APBA2: variants seen among roughly 807,000 people sequenced by gnomAD.
APBA2 encodes the protein amyloid beta precursor protein binding family A member 2, also known as amyloid-beta A4 precursor protein-binding family A member 2.
A neutral mutation model predicts 75.0 loss-of-function variants in APBA2; 30 were observed. That is an observed-to-expected ratio of 0.40 (90% CI 0.30 to 0.54). The LOEUF is 0.54. Ranked by LOEUF, APBA2 falls within the 20% of genes least tolerant of loss-of-function variation. The pLI, the probability that APBA2 is intolerant of heterozygous loss-of-function variation, is 0.49. For synonymous variants in APBA2, 444 were observed against 409.6 expected (o/e 1.08, Z -1.01); for missense variants, 801 against 1,016.1 (o/e 0.79, Z 2.88).
chr15:28,966,044 TC>T (rs780746208), intron 2 of APBA2, among the ~76,000 whole-genome samples: 28 of 152,138 alleles, frequency 1.8e-4, no homozygotes, highest in East Asian at 7.7e-4. Flanking sequence ...CTAGTTGGAG[TC>T]CATTTTGGTC....
At chr15:28,906,746 A>G (rs932053278) in intron 1 of APBA2, among the ~76,000 whole-genome samples, 6 of 152,228 alleles carry the variant, frequency 3.9e-5, no homozygotes, top group Admixed American at 3.9e-4. Context: ...AAAATTGTGA[A>G]TGACAACAAG....
intron 1 of APBA2, among the ~76,000 whole-genome samples, chr15:28,912,472 A>C (rs1378100007): frequency 1.3e-5 from 2 of 152,232 alleles, no homozygotes; most frequent in East Asian, 3.8e-4. Flanking sequence ...CAGCATTGCT[A>C]AGGCAAGGAG....
chr15:29,050,023 C>T lies in APBA2; in HGVS notation c.-40-3822C>T, dbSNP rs367682734. On this transcript the variant is annotated intron_variant, in intron 3 of 14. Coordinates refer to ENST00000683413, the MANE Select transcript of APBA2 (RefSeq NM_001353788.2). ...CGGAAAGGGCTCACCAAATGAATCT[C>T]ACATAAAATTAATGAGACCCTCATA... 2.4e-4 allele frequency among the ~76,000 whole-genome samples: 36 copies of T among 152,218 alleles called. No homozygotes were observed. The South Asian group carries it at 6.6e-3, about 28-fold the overall frequency.
chr15:28,954,364 A>G (rs2036053058), intron 2 of APBA2, among the ~76,000 whole-genome samples: 1 of 152,170 alleles, frequency 6.6e-6, no homozygotes, highest in Non-Finnish European at 1.5e-5. Flanking sequence ...CATTAAGAGT[A>G]AATGCTGGAA....
intron 13 of APBA2, among the ~76,000 whole-genome samples, chr15:29,110,707 GA>G (rs2044680701): frequency 6.6e-6 from 1 of 152,232 alleles, no homozygotes; most frequent in African/African-American, 2.4e-5. Context: ...CTGGTGGGGA[GA>G]GGGGGAGAAG....
intron 2 of APBA2, among the ~76,000 whole-genome samples, chr15:28,930,527 G>A (rs560452893): frequency 1.3e-5 from 2 of 152,146 alleles, no homozygotes; most frequent in African/African-American, 2.4e-5. Context: ...TCTCCCACCC[G>A]GCTGGAGCCT....
chr15:29,105,160 A>G (rs1319424699), intron 10 of APBA2, among the ~76,000 whole-genome samples: 1 of 152,192 alleles, frequency 6.6e-6, no homozygotes, highest in East Asian at 1.9e-4. Flanking sequence ...GTTCAGGGCA[A>G]CACTGGGGTT....
chr15:28,994,826 G>A (rs1312031911), intron 2 of APBA2, among the ~76,000 whole-genome samples: 3 of 152,284 alleles, frequency 2.0e-5, no homozygotes, highest in Admixed American at 6.5e-5. Flanking sequence ...TCTTCCCTAC[G>A]ACTGCAGACC....
chr15:28,989,088 T>C (rs2038080883), intron 2 of APBA2, among the ~76,000 whole-genome samples: 1 of 152,264 alleles, frequency 6.6e-6, no homozygotes, highest in Admixed American at 6.5e-5. Flanking sequence ...ATATATTTTT[T>C]CATATATTTG....
chr15:29,054,449 A>G lies in APBA2; in HGVS notation c.565A>G (p.Ser189Gly). 6 of 1,614,136 alleles carry G rather than the reference A, an allele frequency of 3.7e-6. No homozygotes were observed. The highest frequency in any genetic ancestry group is 5.1e-6 in the Non-Finnish European group (6 of 1,180,016). Reference sequence around the variant, plus strand: ...GGAAGAAGATGGTCACTACTGTGCCAGCAAAGAGGGCTACCAGGACTACTA... The same window carrying G: ...GGAAGAAGATGGTCACTACTGTGCCGGCAAAGAGGGCTACCAGGACTACTA... ...DQEEDGHYCASKEGYQDYYPE... is the reference protein window; with the variant it reads ...DQEEDGHYCAGKEGYQDYYPE... Residue 189 changes from serine to glycine, a missense_variant, in exon 4 of 15, where the codon AGC becomes GGC. By Grantham distance (56) the Ser-to-Gly change is moderately conservative. Transcript: ENST00000683413. The surrounding 1 kb of genome is among the most constrained non-coding windows in gnomAD (Gnocchi z 6.1).
intron 14 of APBA2, among the ~76,000 whole-genome samples, chr15:29,115,752 C>A (rs2045062579): frequency 6.6e-6 from 1 of 152,172 alleles, no homozygotes; most frequent in Non-Finnish European, 1.5e-5. Context: ...GAGGAAGCCC[C>A]TGCCGGGAGC....
intron 3 of APBA2, among the ~76,000 whole-genome samples, chr15:29,018,325 C>T (rs1379548617): frequency 2.0e-5 from 3 of 152,124 alleles, no homozygotes; most frequent in African/African-American, 4.8e-5. Flanking sequence ...AACCACTCTG[C>T]GTTTTACTGT....
chr15:28,909,153 AT>A (rs928446582), intron 1 of APBA2, among the ~76,000 whole-genome samples: 16 of 148,432 alleles, frequency 1.1e-4, no homozygotes, highest in Admixed American at 4.7e-4. Context: ...TGCCTGGCTA[AT>A]TTTTTTTTTG....
At chr15:28,989,540 A>T (rs2038106735) in intron 2 of APBA2, among the ~76,000 whole-genome samples, 1 of 152,174 alleles carries the variant, frequency 6.6e-6, no homozygotes. Flanking sequence ...AGATTGGCAG[A>T]TGCTGCTTCA....
At chr15:28,889,129 G>A (rs750681465) in intron 1 of APBA2, among the ~76,000 whole-genome samples, 3 of 152,094 alleles carry the variant, frequency 2.0e-5, no homozygotes, top group African/African-American at 4.8e-5. Context: ...GCCGCCCACC[G>A]CCTGGGTTGG....
chr15:29,115,044 C>G (rs2045006155), intron 14 of APBA2, among the ~76,000 whole-genome samples: 1 of 151,624 alleles, frequency 6.6e-6, no homozygotes, highest in Non-Finnish European at 1.5e-5. Context: ...GTGTTCAGCA[C>G]AAAGGGGCTG....
At chr15:29,110,482 C>T (rs929470006) in intron 13 of APBA2, among the ~76,000 whole-genome samples, 1 of 152,232 alleles carries the variant, frequency 6.6e-6, no homozygotes, top group Admixed American at 6.5e-5. Flanking sequence ...CGCTGTGAGC[C>T]CTGCAGGAGA....
At chr15:29,085,503 C>T (rs7172393) in intron 6 of APBA2, among the ~76,000 whole-genome samples, 4,106 of 134,210 alleles carry the variant, frequency 0.031, 209 homozygotes, top group African/African-American at 0.11. Flanking sequence ...CCAGCCTGGG[C>T]GACAGAGTAA....
At chr15:29,106,404 G>A (rs1433372853) in intron 11 of APBA2, among the ~76,000 whole-genome samples, 2 of 150,466 alleles carry the variant, frequency 1.3e-5, no homozygotes, top group Admixed American at 1.3e-4. Flanking sequence ...CCAGGAAGGT[G>A]TGGGAGCCAG....
Sources: allele counts gnomAD v4.1 joint callset (sites outside exome capture counted in the v4.1 genomes callset), GRCh38; gene constraint gnomAD v4.1.1; non-coding constraint Gnocchi (gnomAD v3.1); transcripts MANE v1.5; gene names NCBI Gene and HGNC (gene_info 2026-07-23, HGNC 2026-07-21).